Variants in NLGN1 observed in about 807,000 individuals in gnomAD.
The protein encoded by NLGN1 is neuroligin 1.
A neutral mutation model predicts 65.5 loss-of-function variants in NLGN1; 12 were observed. That is an observed-to-expected ratio of 0.18 (90% CI 0.12 to 0.30). NLGN1 has a LOEUF of 0.30. Among genes scored for constraint, NLGN1 ranks in the 10% least tolerant of loss-of-function variants. NLGN1 has a pLI of 1.00. For missense variants in NLGN1, 750 were observed against 1,007.1 expected (o/e 0.74, Z 3.46); for synonymous variants, 350 against 359.5 (o/e 0.97, Z 0.30).
intron 4 of NLGN1, among the ~76,000 whole-genome samples, chr3:173,812,614 C>T (rs1346949418): frequency 5.9e-5 from 9 of 151,526 alleles, no homozygotes; most frequent in South Asian, 4.2e-4. Context: ...GCTTGTATTC[C>T]GGGCTACCCA....
intron 2 of NLGN1, among the ~76,000 whole-genome samples, chr3:173,464,714 C>T (rs1438505607): frequency 1.3e-5 from 2 of 152,104 alleles, no homozygotes; most frequent in African/African-American, 4.8e-5. Context: ...GGATTACAGG[C>T]GTGAGCCACC....
At chr3:174,000,912 C>G (rs936035166) in intron 4 of NLGN1, among the ~76,000 whole-genome samples, 1 of 152,108 alleles carries the variant, frequency 6.6e-6, no homozygotes, top group Non-Finnish European at 1.5e-5. Context: ...CTGGTCTTCT[C>G]CTGACTTTCT....
At chr3:173,468,722 C>T (rs1270286298) in intron 2 of NLGN1, among the ~76,000 whole-genome samples, 1 of 151,916 alleles carries the variant, frequency 6.6e-6, no homozygotes, top group East Asian at 1.9e-4. Context: ...ACAAAGAGTT[C>T]CTGGGATATC....
At chr3:174,069,132 C>T (rs1168866019) in intron 4 of NLGN1, among the ~76,000 whole-genome samples, 1 of 152,090 alleles carries the variant, frequency 6.6e-6, no homozygotes, top group Non-Finnish European at 1.5e-5. Context: ...TTTAATGTTT[C>T]TTGAAGATCC....
At chr3:173,548,736 C>CGT (rs1740336568) in intron 2 of NLGN1, among the ~76,000 whole-genome samples, 1 of 151,632 alleles carries the variant, frequency 6.6e-6, no homozygotes, top group Non-Finnish European at 1.5e-5. Context: ...CACGCTAACA[C>CGT]GTGTGTGTAT....
intron 4 of NLGN1, among the ~76,000 whole-genome samples, chr3:174,088,364 C>G (rs575018760): frequency 1.3e-5 from 2 of 152,136 alleles, no homozygotes; most frequent in East Asian, 1.9e-4. Flanking sequence ...GTTACAAGTT[C>G]CCATTTTACT....
intron 3 of NLGN1, among the ~76,000 whole-genome samples, chr3:173,743,767 GA>G (rs1255612921): frequency 6.6e-6 from 1 of 152,092 alleles, no homozygotes; most frequent in Non-Finnish European, 1.5e-5. Flanking sequence ...TGGAACTCTG[GA>G]TGGGGTTCCC....
chr3:173,778,302 G>A (rs1344358162), intron 3 of NLGN1, among the ~76,000 whole-genome samples: 2 of 151,770 alleles, frequency 1.3e-5, no homozygotes, highest in African/African-American at 4.8e-5. Context: ...ACCAAATGAA[G>A]TACCTCAGTA....
At chr3:173,626,270 A>C (rs1458412044) in intron 3 of NLGN1, among the ~76,000 whole-genome samples, 1 of 152,098 alleles carries the variant, frequency 6.6e-6, no homozygotes, top group Non-Finnish European at 1.5e-5. Context: ...GCTGGAAATG[A>C]ATATTAGTAT....
At chr3:173,539,895 A>G (rs998050265) in intron 2 of NLGN1, among the ~76,000 whole-genome samples, 13 of 145,966 alleles carry the variant, frequency 8.9e-5, no homozygotes, top group African/African-American at 3.3e-4. Flanking sequence ...TGTTATATAT[A>G]TGTTATAAAT....
At chr3:173,682,963 T>C (rs549474339) in intron 3 of NLGN1, among the ~76,000 whole-genome samples, 1 of 152,322 alleles carries the variant, frequency 6.6e-6, no homozygotes, top group East Asian at 1.9e-4. Context: ...AGAGACTATT[T>C]AGAGATTTTT....
chr3:173,528,310 C>A (rs1329464291), intron 2 of NLGN1, among the ~76,000 whole-genome samples: 1 of 152,142 alleles, frequency 6.6e-6, no homozygotes, highest in African/African-American at 2.4e-5. Context: ...GAGATGTTTG[C>A]AGTCTGATGA....
At chr3:173,481,918 AT>A (rs1727361719) in intron 2 of NLGN1, among the ~76,000 whole-genome samples, 2 of 151,750 alleles carry the variant, frequency 1.3e-5, no homozygotes, top group African/African-American at 4.8e-5. Context: ...TGGTGCTTTA[AT>A]TTTTATTTCT....
At chr3:173,567,390 T>G (rs1457697352) in intron 2 of NLGN1, among the ~76,000 whole-genome samples, 4 of 152,128 alleles carry the variant, frequency 2.6e-5, no homozygotes, top group Middle Eastern at 3.4e-3. Context: ...TGAAATATTT[T>G]GTAGTTTTTT....
Position 174,212,250 on chromosome 3 carries a change from T to G in NLGN1, c.647-63065T>G, listed in dbSNP as rs368973916. On this transcript the variant is annotated intron_variant, in intron 4 of 6. Transcript: ENST00000457714. The stretch of plus-strand genomic sequence containing the variant: ...CCTCACTGTCCGGGGCCAGCAGGGC[T>G]GGCCGGCTGCTCTGAGTGCGGGGCC... Among the ~76,000 whole-genome samples, 8 of 152,296 alleles carry G rather than the reference T, an allele frequency of 5.3e-5. No individual in the cohort carries two copies. The South Asian group carries it at 1.4e-3, about 28-fold the overall frequency.
intron 4 of NLGN1, among the ~76,000 whole-genome samples, chr3:173,825,793 G>C (rs1475733928): frequency 6.6e-6 from 1 of 151,834 alleles, no homozygotes; most frequent in Admixed American, 6.6e-5. Context: ...GAAAAATCAG[G>C]CATCTTTTGC....
chr3:174,284,420 T>G (rs1001051234), exon 7 of NLGN1: 1 of 151,458 alleles, frequency 6.6e-6, no homozygotes, highest in Non-Finnish European at 1.5e-5. Flanking sequence ...ATAATTTTCT[T>G]TGAAAAACAA....
At chr3:174,048,943 A>T (rs1734216595) in intron 4 of NLGN1, among the ~76,000 whole-genome samples, 1 of 152,092 alleles carries the variant, frequency 6.6e-6, no homozygotes, top group Non-Finnish European at 1.5e-5. Flanking sequence ...AATAAAAAAT[A>T]ATCAGAGCAT....
chr3:173,539,668 C>CATATATAACATATATGTAATATATGT (rs1560406286), intron 2 of NLGN1, among the ~76,000 whole-genome samples: 1 of 66,052 alleles, frequency 1.5e-5, no homozygotes, highest in Non-Finnish European at 3.8e-5. Context: ...TGTATATATG[C>CATATATAACATATATGTAATATATGT]ACATATATAA....
Sources: gnomAD v4.1 joint callset for allele counts (sites outside exome capture counted in the v4.1 genomes callset) on GRCh38, gnomAD v4.1.1 for gene constraint, MANE v1.5 for transcripts, NCBI Gene and HGNC (gene_info 2026-07-23, HGNC 2026-07-21) for gene names.